CDH13: variants seen among roughly 807,000 people sequenced by gnomAD.
CDH13 encodes the protein cadherin 13.
Under a neutral mutation model 63.8 loss-of-function variants are expected in CDH13, and 24 were observed. The ratio of observed to expected loss-of-function variants is 0.38; its 90% CI spans 0.27 to 0.53. CDH13 has a LOEUF of 0.53. Among genes scored for constraint, CDH13 ranks in the 20% least tolerant of loss-of-function variants. CDH13 has a pLI of 0.85. For synonymous variants in CDH13, 503 were observed against 355.3 expected, an observed-to-expected ratio of 1.42 and a Z score of -4.67; for missense variants, 1,049 against 903.1, an observed-to-expected ratio of 1.16 and a Z score of -2.07.
In CDH13 at chr16:83,748,097, AT is replaced by A. The variant is rs775232884; in HGVS notation, c.1539-4del. 1 of 1,613,646 alleles carries A rather than the reference AT, an allele frequency of 6.2e-7. No homozygotes were observed. The highest frequency in any genetic ancestry group is 8.5e-7 in the Non-Finnish European group (1 of 1,179,730). ...GAATGCAGAGTCTGACATTGTGGGG[AT>A]TTTTTTCAGGTATTCTGTTTACAAG... On this transcript the variant is annotated splice_polypyrimidine_tract_variant and intron_variant, in intron 10 of 13. Transcript: ENST00000567109.
At chr16:82,882,881 G>C (rs140748650) in intron 2 of CDH13, among the ~76,000 whole-genome samples, 89 of 152,252 alleles carry the variant, frequency 5.8e-4, no homozygotes, top group African/African-American at 2.1e-3. Context: ...AGGATACTAT[G>C]ATTTTCTTAA....
At chr16:83,297,467 G>A (rs78438701) in intron 5 of CDH13, among the ~76,000 whole-genome samples, 4,190 of 152,186 alleles carry the variant, frequency 0.028, 196 homozygotes, top group African/African-American at 0.094. Flanking sequence ...TGAGTGGGAC[G>A]CAAGTGAATG....
At chr16:82,673,313 A>G (rs1458515816) in intron 1 of CDH13, among the ~76,000 whole-genome samples, 1 of 152,078 alleles carries the variant, frequency 6.6e-6, no homozygotes, top group Non-Finnish European at 1.5e-5. Context: ...CATTCAATAA[A>G]CACTTACTGA....
intron 7 of CDH13, among the ~76,000 whole-genome samples, chr16:83,522,083 G>T (rs1431267801): frequency 6.6e-6 from 1 of 152,196 alleles, no homozygotes; most frequent in African/African-American, 2.4e-5. Flanking sequence ...TGCAAATCCA[G>T]TTCTCCCCTG....
chr16:82,922,226 T>A lies in CDH13; in HGVS notation c.157+63753T>A, dbSNP rs184556241. On this transcript the variant is annotated intron_variant, in intron 2 of 13. Transcript: ENST00000567109. ...TCAAAGAGCAAATTTTTGGTCTTAT[T>A]GATTTTCTCTGATGCATTTGTACCT... is the stretch of plus-strand genomic sequence containing the variant. Among the ~76,000 whole-genome samples the A allele has an allele frequency of 1.8e-4, 28 of 152,308 alleles. 1 individual carries two copies. Among genetic ancestry groups the A allele is most frequent in the Admixed American group, 1.6e-3 (24 of 15,278 alleles).
At chr16:82,712,184 C>T (rs2032000165) in intron 1 of CDH13, among the ~76,000 whole-genome samples, 1 of 152,168 alleles carries the variant, frequency 6.6e-6, no homozygotes, top group East Asian at 1.9e-4. Flanking sequence ...CATTATCTCG[C>T]ATGACCTTGA....
intron 1 of CDH13, among the ~76,000 whole-genome samples, chr16:82,668,720 C>G (rs773404105): frequency 6.6e-6 from 1 of 152,100 alleles, no homozygotes; most frequent in Non-Finnish European, 1.5e-5. Context: ...GAATGACTGT[C>G]GTAGGAGTGT....
At chr16:83,748,058 C>T in intron 10 of CDH13, 50 bp from the exon 11 acceptor site, 1 of 1,607,388 alleles carries the variant, frequency 6.2e-7, no homozygotes, top group African/African-American at 1.3e-5. Flanking sequence ...GTAAATGTTT[C>T]TTGAATCTAC....
At chr16:82,828,997 C>A (rs1324692982) in intron 1 of CDH13, among the ~76,000 whole-genome samples, 1 of 152,028 alleles carries the variant, frequency 6.6e-6, no homozygotes, top group African/African-American at 2.4e-5. Context: ...AGATTAGATA[C>A]CTTAGGCTAG....
At chr16:83,171,092 C>G (rs376861091) in intron 4 of CDH13, among the ~76,000 whole-genome samples, 88 of 152,122 alleles carry the variant, frequency 5.8e-4, no homozygotes, top group African/African-American at 2.0e-3. Flanking sequence ...GTTTAATTCG[C>G]TCGTGGTTCT....
intron 1 of CDH13, among the ~76,000 whole-genome samples, chr16:82,724,355 G>A (rs1371306777): frequency 6.6e-6 from 1 of 152,046 alleles, no homozygotes; most frequent in Non-Finnish European, 1.5e-5. Context: ...TTTGTCAAAT[G>A]CTCATTTGCC....
Position 83,678,194 on chromosome 16 carries a change from T to G in CDH13, c.1285-14T>G, listed in dbSNP as rs757566924. The G allele has an allele frequency of 1.9e-6, 3 of 1,603,730 alleles. No individual in the cohort carries two copies. The East Asian group carries it at 6.7e-5, about 36-fold the overall frequency. On this transcript the variant is annotated splice_polypyrimidine_tract_variant and intron_variant, in intron 9 of 13. Transcript: ENST00000567109. ...GCTGGTGTGCATCCTGAGACCCTTC[T>G]GTCTGCTTTCCAGCCATTGGACTAT...
intron 6 of CDH13, among the ~76,000 whole-genome samples, chr16:83,389,407 A>G (rs1277502997): frequency 2.6e-5 from 4 of 152,230 alleles, no homozygotes; most frequent in Admixed American, 6.5e-5. Flanking sequence ...TCTTTCTATA[A>G]GAATAATTTT....
At chr16:83,289,483 C>G (rs1303985924) in intron 5 of CDH13, among the ~76,000 whole-genome samples, 2 of 152,192 alleles carry the variant, frequency 1.3e-5, no homozygotes, top group East Asian at 1.9e-4. Flanking sequence ...TAAGGTGATT[C>G]TAATGTGCAG....
rs153653 is a variant in CDH13, at chr16:83,783,016, T to C, written c.1916-238T>C. On this transcript the variant is annotated intron_variant, in intron 12 of 13. Coordinates refer to ENST00000567109, the MANE Select transcript of CDH13 (RefSeq NM_001257.5). ...GTGATGGAAACACTCTGTCTCTGTG[T>C]TGTTCATTACAGGAGCCAGCAGCCA... 0.86 allele frequency among the ~76,000 whole-genome samples: 130,685 copies of C among 152,170 alleles called. 56,134 individuals are homozygous for C. The highest frequency in any genetic ancestry group is 0.88 in the Admixed American group (13,433 of 15,282).
At chr16:82,747,078 A>T (rs2034209019) in intron 1 of CDH13, among the ~76,000 whole-genome samples, 1 of 152,232 alleles carries the variant, frequency 6.6e-6, no homozygotes, top group Non-Finnish European at 1.5e-5. Flanking sequence ...ACAAGTAGAA[A>T]ATATGCTTTC....
intron 2 of CDH13, among the ~76,000 whole-genome samples, chr16:82,979,115 G>A (rs1909920573): frequency 6.6e-6 from 1 of 152,232 alleles, no homozygotes; most frequent in African/African-American, 2.4e-5. Context: ...CATGGGGCCT[G>A]TAGCTCCTTT....
At chr16:83,438,284 C>A (rs9806835) in intron 6 of CDH13, among the ~76,000 whole-genome samples, 59,544 of 152,104 alleles carry the variant, frequency 0.39, 11,984 homozygotes, top group Admixed American at 0.49. Context: ...GAATCATTTG[C>A]AGCTCATGGA....
intron 5 of CDH13, among the ~76,000 whole-genome samples, chr16:83,229,404 C>T (rs985071413): frequency 1.3e-5 from 2 of 152,212 alleles, no homozygotes; most frequent in East Asian, 3.9e-4. Flanking sequence ...GGTTGGGGAG[C>T]ATTTTATGCA....
Sources: allele counts gnomAD v4.1 joint callset (sites outside exome capture counted in the v4.1 genomes callset), GRCh38; gene constraint gnomAD v4.1.1; transcripts MANE v1.5; gene names NCBI Gene and HGNC (gene_info 2026-07-23, HGNC 2026-07-21).